The following DLGAP2 variants were observed in gnomAD, a reference collection of about 807,000 sequenced individuals.
The protein encoded by DLGAP2 is DLG associated protein 2.
Under a neutral mutation model 100.3 loss-of-function variants are expected in DLGAP2, and 26 were observed. That is an observed-to-expected ratio of 0.26 (90% CI 0.19 to 0.36). DLGAP2 has a LOEUF of 0.36. DLGAP2 is among the 10% of genes least tolerant of loss of function. The pLI, the probability that DLGAP2 is intolerant of heterozygous loss-of-function variation, is 1.00. For missense variants in DLGAP2, 1,858 were observed against 1,453.2 expected (o/e 1.28, Z -4.53); for synonymous variants, 886 against 630.1 (o/e 1.41, Z -6.08).
At chr8:1,146,670 T>C (rs1438614223) in intron 2 of DLGAP2, among the ~76,000 whole-genome samples, 1 of 152,182 alleles carries the variant, frequency 6.6e-6, no homozygotes, top group Admixed American at 6.5e-5. Context: ...TGTGTGTGCA[T>C]GTGTGTGCAT....
chr8:1,510,423 A>G (rs187992078), intron 4 of DLGAP2, among the ~76,000 whole-genome samples: 22 of 152,316 alleles, frequency 1.4e-4, no homozygotes, highest in African/African-American at 4.8e-4. Flanking sequence ...GAGCTGAGAA[A>G]CGTCATCAGT....
chr8:1,582,334 A>G (rs1339384874), intron 6 of DLGAP2, among the ~76,000 whole-genome samples: 1 of 152,100 alleles, frequency 6.6e-6, no homozygotes, highest in Non-Finnish European at 1.5e-5. Context: ...AAAAAGAAAG[A>G]AAGAAAATTA....
intron 2 of DLGAP2, among the ~76,000 whole-genome samples, chr8:1,208,219 C>T (rs1318419624): frequency 2.6e-5 from 4 of 152,098 alleles, no homozygotes; most frequent in Admixed American, 2.6e-4. Flanking sequence ...GTCTTTGATC[C>T]ATCTTGGGTT....
At chr8:1,102,635 T>C (rs1282028307) in intron 2 of DLGAP2, among the ~76,000 whole-genome samples, 8 of 152,214 alleles carry the variant, frequency 5.3e-5, no homozygotes, top group Non-Finnish European at 1.2e-4. Context: ...ATCTCCCCAC[T>C]GGGCCTGTCA....
chr8:905,424 G>A lies in DLGAP2; in HGVS notation c.19-2488G>A, dbSNP rs548363860. Among the ~76,000 whole-genome samples the A allele has an allele frequency of 3.3e-5, 5 of 152,238 alleles. No homozygotes were observed. The South Asian group carries it at 1.0e-3, about 32-fold the overall frequency. ...TGTGGGATCATTCGTCATACCATGCGTCTGAACTGGTGACTCTCAAGCGAT... is the reference window on the plus strand; with the variant it reads ...TGTGGGATCATTCGTCATACCATGCATCTGAACTGGTGACTCTCAAGCGAT... On this transcript the variant is annotated intron_variant, in intron 1 of 14. Transcript: ENST00000637795.
chr8:1,701,476 T>G lies in DLGAP2; in HGVS notation c.*70T>G. The G allele has an allele frequency of 2.8e-6, 4 of 1,451,164 alleles. No individual in the cohort carries two copies. In the South Asian group the frequency reaches 3.8e-5, roughly 14 times the overall value. 89.9% of individuals were successfully genotyped at this position (1,451,164 alleles called of 1,614,324 possible). Reference sequence around the variant, plus strand: ...ACGCTTGTGCAGCGCGGCGCCGCCCTGGTGGTTTCTGTCTCCTCCTCCCGC... The same window carrying G: ...ACGCTTGTGCAGCGCGGCGCCGCCCGGGTGGTTTCTGTCTCCTCCTCCCGC... On this transcript the variant is annotated 3_prime_UTR_variant, in exon 15 of 15. Coordinates refer to ENST00000637795, the MANE Select transcript of DLGAP2 (RefSeq NM_001346810.2).
intron 8 of DLGAP2, among the ~76,000 whole-genome samples, chr8:1,666,985 G>A (rs1046852717): frequency 4.6e-5 from 7 of 152,168 alleles, no homozygotes; most frequent in African/African-American, 9.7e-5. Flanking sequence ...CCTCACAGAC[G>A]GCGCTCAGAC....
At position 865,302 on chromosome 8, in the gene DLGAP2, T is replaced by G. The variant is rs75117320; in HGVS notation, c.19-42610T>G. ...TAATACCAAATGACAGAGAGGAGAG[T>G]TATTGCTACTAAACGCTGAGCTCAT... On this transcript the variant is annotated intron_variant, in intron 1 of 14. Transcript: ENST00000637795. Among the ~76,000 whole-genome samples the G allele has an allele frequency of 3.9e-3, 589 of 152,296 alleles. 35 individuals carry two copies. In the East Asian group the frequency reaches 0.11, roughly 28 times the overall value.
intron 6 of DLGAP2, among the ~76,000 whole-genome samples, chr8:1,588,068 T>G (rs1419309228): frequency 6.6e-6 from 1 of 152,184 alleles, no homozygotes; most frequent in East Asian, 1.9e-4. Flanking sequence ...AGAAAAATAA[T>G]TTTTCACATT....
rs561001597 is a variant in DLGAP2, at chr8:1,379,243, G to T, written c.106+120360G>T. ...GCAAATTTTAGCTCACGTCCATGCA[G>T]TGCCGGCTCTGTGCCAGGCACAGGC... On this transcript the variant is annotated intron_variant, in intron 3 of 14. Coordinates refer to ENST00000637795, the MANE Select transcript of DLGAP2 (RefSeq NM_001346810.2). Among the ~76,000 whole-genome samples the T allele has an allele frequency of 7.7e-4, 118 of 152,354 alleles. 1 individual carries two copies. The highest frequency in any genetic ancestry group is 3.4e-3 in the Middle Eastern group (1 of 294).
At chr8:1,510,245 T>C (rs1168609090) in intron 4 of DLGAP2, among the ~76,000 whole-genome samples, 1 of 152,224 alleles carries the variant, frequency 6.6e-6, no homozygotes, top group Non-Finnish European at 1.5e-5. Context: ...ACAACAGCGA[T>C]AACTTGCTGA....
At chr8:1,550,550 C>T (rs989964832) in intron 5 of DLGAP2, among the ~76,000 whole-genome samples, 2 of 152,128 alleles carry the variant, frequency 1.3e-5, no homozygotes, top group South Asian at 2.1e-4. Context: ...CTGCGACATT[C>T]GTGAGTTCAC....
chr8:1,436,073 G>C (rs936139480), intron 3 of DLGAP2, among the ~76,000 whole-genome samples: 7 of 152,100 alleles, frequency 4.6e-5, no homozygotes, highest in African/African-American at 1.4e-4. Flanking sequence ...AGAGGGACAG[G>C]ACTAATAGGA....
At chr8:889,293 C>T (rs1797987843) in intron 1 of DLGAP2, among the ~76,000 whole-genome samples, 1 of 152,166 alleles carries the variant, frequency 6.6e-6, no homozygotes, top group South Asian at 2.1e-4. Flanking sequence ...TGACAGCAGG[C>T]CCCGTTTAAT....
chr8:1,103,396 CA>C (rs1213741590), intron 2 of DLGAP2, among the ~76,000 whole-genome samples: 6 of 151,646 alleles, frequency 4.0e-5, no homozygotes, highest in Non-Finnish European at 8.8e-5. Flanking sequence ...TGACGACTGG[CA>C]GGGCCTTGTT....
chr8:1,312,089 G>T (rs1800626700), intron 3 of DLGAP2, among the ~76,000 whole-genome samples: 1 of 152,330 alleles, frequency 6.6e-6, no homozygotes, highest in East Asian at 1.9e-4. Context: ...TCATCCAACA[G>T]CAGCAGAACA....
chr8:983,315 C>T (rs1031029002), intron 2 of DLGAP2, among the ~76,000 whole-genome samples: 9 of 150,638 alleles, frequency 6.0e-5, no homozygotes, highest in Admixed American at 2.0e-4. Flanking sequence ...TTAGAATCCA[C>T]GTGTTGGTGG....
chr8:1,360,046 T>C (rs190999588), intron 3 of DLGAP2, among the ~76,000 whole-genome samples: 92 of 152,184 alleles, frequency 6.0e-4, no homozygotes, highest in East Asian at 4.8e-3. Flanking sequence ...GCGAGCCACT[T>C]TCCGCCTCTT....
At chr8:1,099,130 G>C (rs943340130) in intron 2 of DLGAP2, among the ~76,000 whole-genome samples, 1 of 152,084 alleles carries the variant, frequency 6.6e-6, no homozygotes, top group African/African-American at 2.4e-5. Flanking sequence ...TCTCAGCCTC[G>C]CCGGTGTTCC....
Sources: allele counts gnomAD v4.1 joint callset (sites outside exome capture counted in the v4.1 genomes callset), GRCh38; gene constraint gnomAD v4.1.1; transcripts MANE v1.5; gene names NCBI Gene and HGNC (gene_info 2026-07-23, HGNC 2026-07-21).